JAK1: variants seen among roughly 807,000 people sequenced by gnomAD.
JAK1 encodes tyrosine-protein kinase JAK1.
In JAK1, 16 loss-of-function variants were observed where a neutral mutation model predicts 136.6. The ratio of observed to expected loss-of-function variants is 0.12; its 90% CI spans 0.08 to 0.18. JAK1 has a LOEUF of 0.18. Ranked by LOEUF, JAK1 falls within the 10% of genes least tolerant of loss-of-function variation. JAK1 has a pLI of 1.00. For missense variants in JAK1, 859 were observed against 1,450.1 expected, an observed-to-expected ratio of 0.59 and a Z score of 6.62; for synonymous variants, 492 against 519.5, an observed-to-expected ratio of 0.95 and a Z score of 0.72.
chr1:64,996,355 C>A (rs1646703847), intron 2 of JAK1, among the ~76,000 whole-genome samples: 2 of 152,178 alleles, frequency 1.3e-5, no homozygotes, highest in African/African-American at 4.8e-5. Context: ...CCAGTGTGCA[C>A]ATTCTGTAAT....
intron 1 of JAK1, among the ~76,000 whole-genome samples, chr1:64,962,400 G>A (rs1298587724): frequency 1.3e-5 from 2 of 152,142 alleles, no homozygotes; most frequent in Admixed American, 6.5e-5. Flanking sequence ...GTCTTGCCTC[G>A]GGACTGGGCA....
intron 2 of JAK1, among the ~76,000 whole-genome samples, chr1:64,997,915 A>G (rs894909796): frequency 2.6e-5 from 4 of 152,208 alleles, no homozygotes; most frequent in African/African-American, 9.7e-5. Flanking sequence ...CTCTCATCTT[A>G]TCTTTAAAAC....
intron 1 of JAK1, among the ~76,000 whole-genome samples, chr1:64,951,904 G>A (rs542912869): frequency 1.2e-4 from 18 of 152,070 alleles, no homozygotes; most frequent in South Asian, 4.1e-4. Flanking sequence ...TGATCCGCCC[G>A]CCTCGGCCTC....
At chr1:64,943,870 A>G in intron 1 of JAK1, among the ~76,000 whole-genome samples, 1 of 151,916 alleles carries the variant, frequency 6.6e-6, no homozygotes, top group Admixed American at 6.5e-5. Flanking sequence ...CAGTAATAAA[A>G]TGAGCAAAGG....
chr1:65,050,048 G>A (rs1647243067), intron 1 of JAK1, among the ~76,000 whole-genome samples: 1 of 152,176 alleles, frequency 6.6e-6, no homozygotes, highest in South Asian at 2.1e-4. Context: ...CCGCAGAGAT[G>A]CAGATCTCTG....
chr1:65,020,874 C>T (rs1202829290), intron 2 of JAK1, among the ~76,000 whole-genome samples: 1 of 152,096 alleles, frequency 6.6e-6, no homozygotes, highest in African/African-American at 2.4e-5. Context: ...ACTTGGGGTG[C>T]CTTTCCCACC....
chr1:64,983,311 G>T (rs1646567108), intron 2 of JAK1, among the ~76,000 whole-genome samples: 1 of 152,002 alleles, frequency 6.6e-6, no homozygotes, highest in African/African-American at 2.4e-5. Flanking sequence ...TCCCCCTAAG[G>T]GCACTCGGCA....
intron 2 of JAK1, chr1:65,022,985 A>G (rs949972016): frequency 5.9e-5 from 9 of 152,008 alleles, no homozygotes; most frequent in Admixed American, 2.6e-4. Flanking sequence ...TAAAACATAG[A>G]ATTTTTTTTC....
chr1:65,006,401 A>T (rs1162303700), intron 2 of JAK1, among the ~76,000 whole-genome samples: 1 of 152,134 alleles, frequency 6.6e-6, no homozygotes, highest in Non-Finnish European at 1.5e-5. Context: ...TCTTTTGCCC[A>T]GGCTGGAGTG....
chr1:64,974,079 C>T (rs1281360534), intron 2 of JAK1: 1 of 151,974 alleles, frequency 6.6e-6, no homozygotes, highest in Non-Finnish European at 1.5e-5. Context: ...GTTAATTGTC[C>T]AAAGTAGAAC....
intron 1 of JAK1, among the ~76,000 whole-genome samples, chr1:64,922,161 A>G (rs1023419561): frequency 2.6e-5 from 4 of 151,788 alleles, no homozygotes; most frequent in Non-Finnish European, 4.4e-5. Flanking sequence ...AAAAAAAACC[A>G]CAACAACAAC....
intron 4 of JAK1, 69 bp downstream of exon 4, chr1:64,878,956 G>C: frequency 6.6e-7 from 1 of 1,509,914 alleles, no homozygotes; most frequent in South Asian, 1.2e-5. Context: ...GTGACTCAGG[G>C]CTCCAGGCTG....
Position 64,939,276 on chromosome 1 carries a change from T to C in JAK1, c.-78+27057A>G, listed in dbSNP as rs117477424. Among the ~76,000 whole-genome samples the C allele has an allele frequency of 8.5e-5, 13 of 152,312 alleles. No homozygotes were observed. In the East Asian group the frequency reaches 2.3e-3, roughly 27 times the overall value. On this transcript the variant is annotated intron_variant, in intron 1 of 24. Coordinates refer to ENST00000342505, the MANE Select transcript of JAK1 (RefSeq NM_002227.4). ...AGATCTAGGCATGAACATATACATA[T>C]AAGCACAACTCATACCTCTAAGGGT...
intron 1 of JAK1, 88 bp from the exon 2 acceptor site, chr1:64,886,429 A>C: frequency 1.5e-6 from 1 of 681,528 alleles, no homozygotes; most frequent in South Asian, 2.8e-5. Flanking sequence ...AGCAGCCCAA[A>C]CCATAAGCAG....
chr1:64,884,839 T>A (rs1644827869), intron 2 of JAK1, among the ~76,000 whole-genome samples: 1 of 152,186 alleles, frequency 6.6e-6, no homozygotes, highest in African/African-American at 2.4e-5. Flanking sequence ...CACAGGAAAT[T>A]TAAGCATCTT....
At chr1:65,054,522 T>A (rs1647439152) in intron 1 of JAK1, among the ~76,000 whole-genome samples, 1 of 150,516 alleles carries the variant, frequency 6.6e-6, no homozygotes, top group African/African-American at 2.4e-5. Context: ...GATTCACCAA[T>A]CCCAGACCGT....
intron 20 of JAK1, 98 bp downstream of exon 20, chr1:64,839,505 G>A (rs956489409): frequency 2.8e-5 from 27 of 979,318 alleles, no homozygotes; most frequent in East Asian, 1.3e-4. Flanking sequence ...CATGTCAGAC[G>A]CCCAGGTAAG....
At chr1:64,978,942 C>A (rs999964016) in intron 2 of JAK1, among the ~76,000 whole-genome samples, 2 of 151,340 alleles carry the variant, frequency 1.3e-5, no homozygotes, top group African/African-American at 4.9e-5. Context: ...TTTATGATAC[C>A]TATCAGCATC....
chr1:64,860,478 G>T (rs1451574773), intron 8 of JAK1, among the ~76,000 whole-genome samples: 2 of 148,762 alleles, frequency 1.3e-5, no homozygotes, highest in African/African-American at 2.5e-5. Context: ...ATTTGAGATG[G>T]AGTTTCACTC....
Sources: allele counts gnomAD v4.1 joint callset (sites outside exome capture counted in the v4.1 genomes callset), GRCh38; gene constraint gnomAD v4.1.1; transcripts MANE v1.5; gene names NCBI Gene and HGNC (gene_info 2026-07-23, HGNC 2026-07-21).